GALNT7: variants seen among roughly 807,000 people sequenced by gnomAD.
The protein encoded by GALNT7 is polypeptide N-acetylgalactosaminyltransferase 7.
Under a neutral mutation model 82.1 loss-of-function variants are expected in GALNT7, and 60 were observed. The observed-to-expected ratio is 0.73, with a 90% CI of 0.59 to 0.91. The LOEUF (loss-of-function observed/expected upper bound fraction) is 0.91, where lower values mean the gene tolerates loss of function less well. Ranked by LOEUF, GALNT7 falls within the 40% of genes least tolerant of loss-of-function variation. The probability of loss-of-function intolerance (pLI) is 0.00; values close to 1 mark genes in which losing one functional copy is unlikely to be tolerated. For synonymous variants in GALNT7, 243 were observed against 275.1 expected (o/e 0.88, Z 1.15); for missense variants, 660 against 804.2 (o/e 0.82, Z 2.17).
At chr4:173,273,251 T>G (rs1735792325) in intron 2 of GALNT7, among the ~76,000 whole-genome samples, 1 of 152,150 alleles carries the variant, frequency 6.6e-6, no homozygotes, top group African/African-American at 2.4e-5. Context: ...AATAAACATT[T>G]TAAGGAATGT....
intron 5 of GALNT7, chr4:173,297,860 A>G: frequency 6.6e-7 from 1 of 1,504,230 alleles, no homozygotes; most frequent in Non-Finnish European, 8.8e-7. Flanking sequence ...GAACCACAGC[A>G]AGGTGGGGAT....
intron 1 of GALNT7, among the ~76,000 whole-genome samples, chr4:173,183,077 C>G (rs1171467861): frequency 2.0e-5 from 3 of 148,218 alleles, no homozygotes; most frequent in Non-Finnish European, 4.4e-5. Flanking sequence ...CACACACACA[C>G]ACACACACAC....
At chr4:173,202,575 A>C (rs1732974842) in intron 1 of GALNT7, among the ~76,000 whole-genome samples, 1 of 152,178 alleles carries the variant, frequency 6.6e-6, no homozygotes, top group Non-Finnish European at 1.5e-5. Flanking sequence ...GTCTCGTTCA[A>C]ATCCTGCCTC....
chr4:173,171,028 A>G (rs2126612713), intron 1 of GALNT7, among the ~76,000 whole-genome samples: 1 of 152,286 alleles, frequency 6.6e-6, no homozygotes, highest in East Asian at 1.9e-4. Context: ...GTCATTTGTC[A>G]AAAACAAAAG....
intron 1 of GALNT7, among the ~76,000 whole-genome samples, chr4:173,175,469 T>C (rs893404364): frequency 6.6e-6 from 1 of 152,270 alleles, no homozygotes; most frequent in Non-Finnish European, 1.5e-5. Context: ...ACTTCAGAGC[T>C]GTGCTCTCTG....
intron 1 of GALNT7, among the ~76,000 whole-genome samples, chr4:173,225,668 T>C (rs1733802744): frequency 6.6e-6 from 1 of 152,228 alleles, no homozygotes; most frequent in Admixed American, 6.5e-5. Context: ...CTTAAATATA[T>C]GTACTCTGCT....
intron 8 of GALNT7, among the ~76,000 whole-genome samples, chr4:173,304,612 T>C (rs1737076904): frequency 6.6e-6 from 1 of 152,092 alleles, no homozygotes; most frequent in Admixed American, 6.5e-5. Context: ...TTATAAATTG[T>C]AGTCACCATG....
chr4:173,264,996 T>C lies in GALNT7; in HGVS notation c.587+16556T>C, dbSNP rs923405955. On this transcript the variant is annotated intron_variant, in intron 2 of 11. Coordinates refer to ENST00000265000, the MANE Select transcript of GALNT7 (RefSeq NM_017423.3). ...CTAGTATTGGTGCAGAAGCAAATGC[T>C]GCTTTGATCCCAGCACTTTAGCAAC... 5.3e-5 allele frequency among the ~76,000 whole-genome samples: 8 copies of C among 152,240 alleles called. 1 individual carries two copies. The highest frequency in any genetic ancestry group is 5.2e-4 in the Admixed American group (8 of 15,274).
At chr4:173,277,040 TGATA>T (rs1406489267) in intron 2 of GALNT7, among the ~76,000 whole-genome samples, 211 of 152,068 alleles carry the variant, frequency 1.4e-3, no homozygotes, top group African/African-American at 4.9e-3. Context: ...ATAGATTGAT[TGATA>T]GATTGATTGA....
chr4:173,297,127 G>A (rs1265530064), intron 5 of GALNT7, among the ~76,000 whole-genome samples: 3 of 151,790 alleles, frequency 2.0e-5, no homozygotes, highest in African/African-American at 2.4e-5. Flanking sequence ...TAGCATTTTC[G>A]TGAAGCCCAA....
chr4:173,279,875 T>G (rs967809815), intron 2 of GALNT7, among the ~76,000 whole-genome samples: 12 of 152,052 alleles, frequency 7.9e-5, no homozygotes, highest in Admixed American at 7.2e-4. Context: ...TTCGGGGGGC[T>G]GAGGCACAAG....
intron 1 of GALNT7, among the ~76,000 whole-genome samples, chr4:173,177,569 A>T (rs1325603292): frequency 6.6e-6 from 1 of 152,126 alleles, no homozygotes; most frequent in Non-Finnish European, 1.5e-5. Flanking sequence ...TGGTGGGGAG[A>T]GATGAAAGAA....
intron 1 of GALNT7, among the ~76,000 whole-genome samples, chr4:173,176,721 CTG>C (rs1390359832): frequency 6.6e-6 from 1 of 152,068 alleles, no homozygotes; most frequent in Non-Finnish European, 1.5e-5. Context: ...ACAGAGGAGA[CTG>C]TGCAACAGCA....
chr4:173,213,186 C>CA (rs1733336618), intron 1 of GALNT7, among the ~76,000 whole-genome samples: 1 of 151,712 alleles, frequency 6.6e-6, no homozygotes. Context: ...ACCCTTAAAA[C>CA]AAAAAATGTG....
At position 173,178,938 on chromosome 4, in the gene GALNT7, A is replaced by T. The variant is rs535958212; in HGVS notation, c.126+9977A>T. ...GAGTAGATGACCTAGTCATTTTTTA[A>T]TTTTAATTTTTACCAATTCCCTGGG... On this transcript the variant is annotated intron_variant, in intron 1 of 11. Transcript: ENST00000265000. Among the ~76,000 whole-genome samples, 5 of 152,282 alleles carry T rather than the reference A, an allele frequency of 3.3e-5. No homozygotes were observed. The South Asian group carries it at 8.3e-4, about 25-fold the overall frequency.
chr4:173,307,546 A>G (rs749096867), intron 8 of GALNT7, among the ~76,000 whole-genome samples: 2 of 152,136 alleles, frequency 1.3e-5, no homozygotes, highest in Non-Finnish European at 2.9e-5. Flanking sequence ...TGAGGCCCAG[A>G]TGCTTGTGAA....
intron 1 of GALNT7, among the ~76,000 whole-genome samples, chr4:173,208,698 C>T (rs1209055480): frequency 6.6e-6 from 1 of 152,216 alleles, no homozygotes; most frequent in Non-Finnish European, 1.5e-5. Flanking sequence ...TTCCCTGTTA[C>T]AAGTTATCCT....
chr4:173,197,921 A>C (rs1323745788), intron 1 of GALNT7, among the ~76,000 whole-genome samples: 1 of 152,166 alleles, frequency 6.6e-6, no homozygotes, highest in Non-Finnish European at 1.5e-5. Context: ...CTGGTTTGTA[A>C]AATGCAGATT....
At chr4:173,182,049 A>G (rs1186257844) in intron 1 of GALNT7, among the ~76,000 whole-genome samples, 1 of 152,260 alleles carries the variant, frequency 6.6e-6, no homozygotes, top group Non-Finnish European at 1.5e-5. Flanking sequence ...AACTGGTAAC[A>G]GTAAGATAAA....
Sources: allele counts gnomAD v4.1 joint callset (sites outside exome capture counted in the v4.1 genomes callset), GRCh38; gene constraint gnomAD v4.1.1; transcripts MANE v1.5; gene names NCBI Gene and HGNC (gene_info 2026-07-23, HGNC 2026-07-21).